The following HTT variants were observed in gnomAD, a reference collection of about 807,000 sequenced individuals.
HTT encodes the protein huntingtin.
Under a neutral mutation model 362.3 loss-of-function variants are expected in HTT, and 104 were observed. The observed-to-expected ratio is 0.29, with a 90% CI of 0.24 to 0.34. The LOEUF (loss-of-function observed/expected upper bound fraction) is 0.34. HTT is among the 10% of genes least tolerant of loss of function. The pLI is 1.00. For synonymous variants in HTT, 1,577 were observed against 1,548.7 expected, an observed-to-expected ratio of 1.02 and a Z score of -0.43; for missense variants, 3,301 against 3,928.6, an observed-to-expected ratio of 0.84 and a Z score of 4.27.
Position 3,206,933 on chromosome 4 carries a change from G to A in HTT, c.6025G>A (p.Asp2009Asn), listed in dbSNP as rs773337081. 64 of 1,613,850 alleles carry A rather than the reference G, an allele frequency of 4.0e-5. No homozygotes were observed. The East Asian group carries it at 8.9e-4, about 22-fold the overall frequency. The change falls in exon 44 of 67, where the codon GAC (aspartate) becomes AAC (asparagine). Residue 2009 changes from aspartate to asparagine, a missense_variant. By Grantham distance (23) the Asp-to-Asn change is conservative (BLOSUM62 1). Coordinates refer to ENST00000355072, the MANE Select transcript of HTT (RefSeq NM_001388492.1). This position sits in a 1 kb window ranked among gnomAD's most constrained non-coding sequence, Gnocchi z 4.6. ...TPFRVLARMVDILACRRVEML... is the reference protein window; with the variant it reads ...TPFRVLARMVNILACRRVEML... Reference sequence around the variant, plus strand: ...TTTCCGTGTGCTGGCTCGCATGGTCGACATCCTTGCTTGTCGCCGGGTAGA... The same window carrying A: ...TTTCCGTGTGCTGGCTCGCATGGTCAACATCCTTGCTTGTCGCCGGGTAGA...
In HTT at chr4:3,242,602, G is replaced by T. The variant is rs1471962701; in HGVS notation, c.*2543G>T. 1 of 152,160 alleles carries T rather than the reference G, an allele frequency of 6.6e-6. No individual in the cohort carries two copies. Among genetic ancestry groups the T allele is most frequent in the East Asian group, 1.9e-4 (1 of 5,182 alleles). 9.4% of individuals were successfully genotyped at this position (152,160 alleles called of 1,614,324 possible). On this transcript the variant is annotated 3_prime_UTR_variant, in exon 67 of 67. Coordinates refer to ENST00000355072, the MANE Select transcript of HTT (RefSeq NM_001388492.1). ...CATTGCCCACTAGGATCCCACTGGC[G>T]AAGATGGTCTCCATATCAGCTCTCT...
chr4:3,160,235 T>A (rs1244196922), intron 28 of HTT, 47 bp from the exon 29 acceptor site: 2 of 1,227,970 alleles, frequency 1.6e-6, no homozygotes, highest in South Asian at 1.3e-5. Context: ...CATTATGAGA[T>A]CGTGACAGGG....
At chr4:3,135,526 G>T (rs1201828980) in intron 19 of HTT, among the ~76,000 whole-genome samples, 1 of 151,870 alleles carries the variant, frequency 6.6e-6, no homozygotes, top group Non-Finnish European at 1.5e-5. Context: ...ATAAATCTGG[G>T]CTTGTTCTCG....
chr4:3,141,170 G>C (rs1031059683), intron 22 of HTT, among the ~76,000 whole-genome samples: 6 of 152,194 alleles, frequency 3.9e-5, no homozygotes, highest in African/African-American at 1.4e-4. Context: ...AGGTGAGTGG[G>C]ACACAGTGCT....
chr4:3,151,025 C>T (rs1192799111), intron 26 of HTT, among the ~76,000 whole-genome samples: 1 of 150,072 alleles, frequency 6.7e-6, no homozygotes, highest in African/African-American at 2.5e-5. Context: ...GGCGACAGAG[C>T]GAGACTCTGT....
rs930575043 is a variant in HTT, at chr4:3,228,501, T to C, written c.7849-114T>C. On this transcript the variant is annotated intron_variant, in intron 57 of 66. Transcript: ENST00000355072. The surrounding 1 kb of genome is among the most constrained non-coding windows in gnomAD (Gnocchi z 4.3). ...CCTGGGGTGTCTGAACGACCCTTGC[T>C]AAGGGGCAGACTGTTAGACGGTAGG... The C allele has an allele frequency of 1.6e-6, 2 of 1,253,918 alleles. No individual in the cohort carries two copies. The highest frequency in any genetic ancestry group is 2.2e-6 in the Non-Finnish European group (2 of 925,000). The allele number at this position is 1,253,918 out of a possible 1,614,324, so 77.7% of individuals were successfully genotyped here. A position where few individuals can be genotyped will look rare whatever the true frequency, so the allele number is the denominator to read the frequency against.
intron 9 of HTT, 63 bp downstream of exon 9, chr4:3,121,495 T>G: frequency 8.9e-7 from 1 of 1,124,412 alleles, no homozygotes; most frequent in East Asian, 2.4e-5. Flanking sequence ...TACACTCTAT[T>G]GATTATGGGC....
intron 29 of HTT, among the ~76,000 whole-genome samples, chr4:3,163,767 AT>A (rs1385047131): frequency 1.3e-5 from 2 of 152,090 alleles, no homozygotes; most frequent in Non-Finnish European, 2.9e-5. Context: ...CGGTGGTGAT[AT>A]CCCCTTTATC....
At chr4:3,194,800 A>G (rs978279047) in intron 40 of HTT, among the ~76,000 whole-genome samples, 6 of 152,194 alleles carry the variant, frequency 3.9e-5, no homozygotes, top group Non-Finnish European at 7.3e-5. Flanking sequence ...GAATACTGGA[A>G]GAGAGAGAAA....
chr4:3,136,622 G>C (rs1716077374), intron 21 of HTT, among the ~76,000 whole-genome samples: 1 of 151,318 alleles, frequency 6.6e-6, no homozygotes, highest in Non-Finnish European at 1.5e-5. Context: ...CTTCAATTCT[G>C]CTGCCACCTG....
intron 1 of HTT, among the ~76,000 whole-genome samples, chr4:3,081,494 T>A (rs912128872): frequency 4.6e-5 from 7 of 152,136 alleles, no homozygotes; most frequent in Admixed American, 2.6e-4. Context: ...ATATGCAGGT[T>A]ATAGTTTTCC....
intron 3 of HTT, 72 bp from the exon 4 acceptor site, chr4:3,103,752 A>T (rs1411340556): frequency 1.1e-6 from 1 of 910,162 alleles, no homozygotes; most frequent in Non-Finnish European, 1.8e-6. Context: ...TTGAAATCTT[A>T]GTTTCCTTTT....
intron 35 of HTT, among the ~76,000 whole-genome samples, chr4:3,179,204 G>A (rs529052072): frequency 7.2e-5 from 11 of 152,286 alleles, no homozygotes; most frequent in Non-Finnish European, 1.5e-4. Flanking sequence ...GCTGTGTTGC[G>A]AGGCAGGGCC....
At chr4:3,095,496 G>C (rs564579957) in intron 2 of HTT, among the ~76,000 whole-genome samples, 15 of 152,332 alleles carry the variant, frequency 9.8e-5, no homozygotes, top group Admixed American at 3.9e-4. Context: ...GCCTTGGCTC[G>C]GCATCAGAGG....
chr4:3,181,733 TAA>T (rs1365761326), intron 36 of HTT, among the ~76,000 whole-genome samples: 1 of 152,124 alleles, frequency 6.6e-6, no homozygotes, highest in Non-Finnish European at 1.5e-5. Flanking sequence ...ACATGTATCA[TAA>T]AGAGGTCTGA....
chr4:3,239,397 C>A (rs1721702857), intron 66 of HTT, among the ~76,000 whole-genome samples: 1 of 147,178 alleles, frequency 6.8e-6, no homozygotes, highest in African/African-American at 2.4e-5. Flanking sequence ...CCAGTTCCCA[C>A]CCCCAGATGC....
intron 64 of HTT, 131 bp from the exon 65 acceptor site, chr4:3,238,316 C>A: frequency 1.6e-6 from 1 of 620,042 alleles, no homozygotes; most frequent in Non-Finnish European, 2.6e-6. Context: ...AAGTCCCTCA[C>A]GGCCGAGGGT....
At chr4:3,172,886 T>C (rs1484855361) in intron 30 of HTT, 22 bp from the exon 31 acceptor site, 14 of 1,533,176 alleles carry the variant, frequency 9.1e-6, no homozygotes, top group Non-Finnish European at 1.3e-5. Flanking sequence ...ACATTGTTGA[T>C]GCCTCATTTT....
intron 12 of HTT, chr4:3,129,166 A>G (rs1715673696): frequency 6.6e-6 from 1 of 152,228 alleles, no homozygotes; most frequent in African/African-American, 2.4e-5. Flanking sequence ...GTCCATGGAC[A>G]CTTGTATTGC....
Sources: gnomAD v4.1 joint callset for allele counts (sites outside exome capture counted in the v4.1 genomes callset) on GRCh38, gnomAD v4.1.1 for gene constraint, Gnocchi (gnomAD v3.1) non-coding constraint, MANE v1.5 for transcripts, NCBI Gene and HGNC (gene_info 2026-07-23, HGNC 2026-07-21) for gene names.